Variants in PPP6R2 observed in about 807,000 individuals in gnomAD.
PPP6R2 encodes protein phosphatase 6 regulatory subunit 2.
A neutral mutation model predicts 100.2 loss-of-function variants in PPP6R2; 62 were observed. The observed-to-expected ratio is 0.62, with a 90% CI of 0.50 to 0.76. The LOEUF (loss-of-function observed/expected upper bound fraction) is 0.76, where lower values mean the gene tolerates loss of function less well. PPP6R2 is among the 30% of genes least tolerant of loss of function. The probability of loss-of-function intolerance (pLI) is 0.00; values close to 1 mark genes in which losing one functional copy is unlikely to be tolerated. For synonymous variants in PPP6R2, 525 were observed against 514.7 expected (o/e 1.02, Z -0.27); for missense variants, 1,142 against 1,276.3 (o/e 0.89, Z 1.60).
At chr22:50,384,569 AAAG>A (rs371135513) in intron 2 of PPP6R2, among the ~76,000 whole-genome samples, 41 of 152,328 alleles carry the variant, frequency 2.7e-4, no homozygotes, top group African/African-American at 9.9e-4. Context: ...AAAGAAAAGA[AAAG>A]AAATTTATTT....
Position 50,431,170 on chromosome 22 carries a change from C to A in PPP6R2, c.1126-3C>A. The A allele has an allele frequency of 6.2e-7, 1 of 1,606,456 alleles. No individual in the cohort carries two copies. Among genetic ancestry groups the A allele is most frequent in the South Asian group, 1.1e-5 (1 of 90,902 alleles). ...AACTGTCTTCTGTCCTCTGTTTACC[C>A]AGGACTTGTTCTTTAAGTACACCTG... On this transcript the variant is annotated splice_polypyrimidine_tract_variant and splice_region_variant and intron_variant, in intron 10 of 23. Coordinates refer to ENST00000612753, the MANE Select transcript of PPP6R2 (RefSeq NM_001242898.2). This position sits in a 1 kb window ranked among gnomAD's most constrained non-coding sequence, Gnocchi z 4.8.
At chr22:50,417,879 A>G (rs1282356495) in intron 6 of PPP6R2, among the ~76,000 whole-genome samples, 1 of 152,102 alleles carries the variant, frequency 6.6e-6, no homozygotes, top group Non-Finnish European at 1.5e-5. Context: ...GCTTTCCCTC[A>G]GTCTTCCCAC....
At chr22:50,399,529 G>A (rs1363872817) in intron 3 of PPP6R2, among the ~76,000 whole-genome samples, 1 of 152,252 alleles carries the variant, frequency 6.6e-6, no homozygotes, top group African/African-American at 2.4e-5. Flanking sequence ...CTGCAGACCT[G>A]GCAGAACACC....
chr22:50,395,525 C>T (rs1398149440), intron 3 of PPP6R2, among the ~76,000 whole-genome samples: 4 of 152,072 alleles, frequency 2.6e-5, no homozygotes, highest in East Asian at 1.9e-4. Context: ...TGTCCTTTTC[C>T]GTGTGTCCTG....
Position 50,423,243 on chromosome 22 carries a change from TG to T in PPP6R2, c.973-216del, listed in dbSNP as rs1291009652. On this transcript the variant is annotated intron_variant, in intron 9 of 23. Coordinates refer to ENST00000612753, the MANE Select transcript of PPP6R2 (RefSeq NM_001242898.2). The surrounding 1 kb of genome is among the most constrained non-coding windows in gnomAD (Gnocchi z 4.8). ...CAGACTGGAGTGCCCGTGAGCATCC[TG>T]GGAGCACTCTCTGAAGCCCTGAGGG... Among the ~76,000 whole-genome samples, 1 of 152,154 alleles carries T rather than the reference TG, an allele frequency of 6.6e-6. No homozygotes were observed. The highest frequency in any genetic ancestry group is 1.5e-5 in the Non-Finnish European group (1 of 68,022).
chr22:50,415,279 G>A (rs1224005763), intron 5 of PPP6R2, among the ~76,000 whole-genome samples: 2 of 152,226 alleles, frequency 1.3e-5, no homozygotes, highest in Non-Finnish European at 2.9e-5. Context: ...ATAGAGTAGA[G>A]TAAACCCTGA....
rs2061631062 is a variant in PPP6R2 at position 50,423,753 on chromosome 22, G to A, written c.1125+139G>A. On this transcript the variant is annotated intron_variant, in intron 10 of 23. Transcript: ENST00000612753. This position sits in a 1 kb window ranked among gnomAD's most constrained non-coding sequence, Gnocchi z 4.8. ...GGGAGGTTCCAGTCCCAAGTCCCAA[G>A]GCTGGACTACAGGTCTCTGGCGGGG... 1.8e-6 allele frequency: 2 copies of A among 1,100,240 alleles called. No individual in the cohort carries two copies. The highest frequency in any genetic ancestry group is 2.6e-6 in the Non-Finnish European group (2 of 768,106). The allele number at this position is 1,100,240 out of a possible 1,614,324, so 68.2% of individuals were successfully genotyped here.
chr22:50,338,150 GGT>G, the PPP6R2 span, among the ~76,000 whole-genome samples: 3 of 139,714 alleles, frequency 2.1e-5, no homozygotes, highest in African/African-American at 8.0e-5. Flanking sequence ...TAGTGTGTGT[GGT>G]ATGTGTGTGC....
Position 50,431,191 on chromosome 22 carries a change from A to G in PPP6R2, c.1144A>G (p.Thr382Ala), listed in dbSNP as rs1294826972. The G allele has an allele frequency of 6.2e-7, 1 of 1,612,656 alleles. No homozygotes were observed. Among genetic ancestry groups the G allele is most frequent in the Non-Finnish European group, 8.5e-7 (1 of 1,178,856 alleles). Reference sequence around the variant, plus strand: ...TACCCAGGACTTGTTCTTTAAGTACACCTGGAATAACTTTTTGCACTTCCA... The same window carrying G: ...TACCCAGGACTTGTTCTTTAAGTACGCCTGGAATAACTTTTTGCACTTCCA... The part of the protein sequence containing the change: ...DLLLDLFFKY[T>A]WNNFLHFQVE... The change falls in exon 11 of 24, where the codon ACC becomes GCC. Residue 382 changes from threonine (T) to alanine (A), a missense_variant. Thr to Ala is a moderately conservative substitution (Grantham distance 58). Around this residue, in one of 2 missense-constraint regions of PPP6R2, gnomAD observed 592 missense variants for 758.9 expected, o/e 0.78. Coordinates refer to ENST00000612753, the MANE Select transcript of PPP6R2 (RefSeq NM_001242898.2). This position sits in a 1 kb window ranked among gnomAD's most constrained non-coding sequence, Gnocchi z 4.8.
intron 3 of PPP6R2, among the ~76,000 whole-genome samples, chr22:50,394,944 T>C (rs943549025): frequency 1.3e-5 from 2 of 149,090 alleles, no homozygotes; most frequent in African/African-American, 4.9e-5. Context: ...GAGTTTTGAC[T>C]GTCTTGTGCC....
At chr22:50,432,414 C>A (rs1343563926) in intron 12 of PPP6R2, 85 bp downstream of exon 12, 1 of 1,281,830 alleles carries the variant, frequency 7.8e-7, no homozygotes, top group East Asian at 2.5e-5. Flanking sequence ...GGTGACGCTG[C>A]GTGCAGGACT....
At chr22:50,351,041 T>TGG (rs1569254881) in intron 1 of PPP6R2, among the ~76,000 whole-genome samples, 1 of 124,422 alleles carries the variant, frequency 8.0e-6, no homozygotes, top group South Asian at 3.3e-4. Flanking sequence ...TTTTTTTTTT[T>TGG]TTTTTTTTTT....
chr22:50,390,148 C>T (rs1006537076), intron 2 of PPP6R2, among the ~76,000 whole-genome samples: 7 of 151,606 alleles, frequency 4.6e-5, no homozygotes, highest in East Asian at 3.9e-4. Flanking sequence ...CCCACCACCA[C>T]GCCCATCTGA....
chr22:50,441,841 T>C (rs2065711242), intron 22 of PPP6R2, among the ~76,000 whole-genome samples: 1 of 152,056 alleles, frequency 6.6e-6, no homozygotes, highest in African/African-American at 2.4e-5. Flanking sequence ...AGGGCGTGGG[T>C]TAGCAGGAGG....
chr22:50,414,782 G>A (rs1027655685), intron 5 of PPP6R2, 93 bp downstream of exon 5: 48 of 1,397,312 alleles, frequency 3.4e-5, no homozygotes, highest in Admixed American at 6.9e-5. Context: ...CAGGGCGCCC[G>A]GCCCCCATCT....
intron 2 of PPP6R2, among the ~76,000 whole-genome samples, chr22:50,380,734 A>C (rs1227616606): frequency 1.3e-5 from 2 of 150,642 alleles, no homozygotes; most frequent in African/African-American, 4.9e-5. Context: ...TCACGCCTGT[A>C]ATCCCAGCAC....
At chr22:50,418,624 G>A (rs572936714) in intron 6 of PPP6R2, among the ~76,000 whole-genome samples, 2 of 151,890 alleles carry the variant, frequency 1.3e-5, no homozygotes, top group East Asian at 3.9e-4. Flanking sequence ...CTGACCTGAT[G>A]ATCTGCCTGC....
intron 2 of PPP6R2, among the ~76,000 whole-genome samples, chr22:50,373,931 A>C (rs745552828): frequency 7.2e-5 from 11 of 152,024 alleles, no homozygotes; most frequent in Non-Finnish European, 1.5e-4. Context: ...ACGGGGTTTC[A>C]CCACGTTGGT....
intron 1 of PPP6R2, among the ~76,000 whole-genome samples, chr22:50,349,599 G>A (rs910584861): frequency 6.6e-6 from 1 of 152,130 alleles, no homozygotes; most frequent in African/African-American, 2.4e-5. Context: ...GCTGAGGCAG[G>A]TGGATCACCT....
Sources: allele counts gnomAD v4.1 joint callset (sites outside exome capture counted in the v4.1 genomes callset), GRCh38; gene constraint gnomAD v4.1.1; regional missense constraint gnomAD v4.1.1; non-coding constraint Gnocchi (gnomAD v3.1); transcripts MANE v1.5; gene names NCBI Gene and HGNC (gene_info 2026-07-23, HGNC 2026-07-21).